HTD2: variants seen among roughly 807,000 people sequenced by gnomAD.
The protein encoded by HTD2 is hydroxyacyl-thioester dehydratase type 2, mitochondrial.
In HTD2, 1 loss-of-function variant was observed where a neutral mutation model predicts 3.1. The ratio of observed to expected loss-of-function variants is 0.32; its 90% CI spans 0.11 to 1.52. HTD2 has a LOEUF of 1.52. Ranked by LOEUF, HTD2 falls within the 40% of genes most tolerant of loss-of-function variation. The pLI, the probability that HTD2 is intolerant of heterozygous loss-of-function variation, is 0.39. For synonymous variants in HTD2, 50 were observed against 28.9 expected (o/e 1.73, Z -2.34); for missense variants, 150 against 79.6 (o/e 1.88, Z -3.36).
intron 4 of HTD2, 62 bp from the exon 5 acceptor site, chr3:58,317,378 C>A: frequency 1.8e-6 from 2 of 1,088,608 alleles, no homozygotes; most frequent in Non-Finnish European, 2.8e-6. Flanking sequence ...GCATGTTTCC[C>A]CATTGCCCTG....
rs59232688 is a variant in HTD2 at position 58,310,482 on chromosome 3, CT to C, written c.-415-13del. 507,213 of 1,266,192 alleles carry C rather than the reference CT, an allele frequency of 0.4. 60,922 individuals carry two copies. Among genetic ancestry groups the C allele is most frequent in the East Asian group, 0.7 (26,383 of 37,694 alleles). 78.4% of individuals were successfully genotyped at this position (1,266,192 alleles called of 1,614,324 possible). On this transcript the variant is annotated intron_variant, in intron 1 of 4. Transcript: ENST00000461393. ...CTGAATAGAATGAAATTTAATATGA[CT>C]TTTTTTTTTTTCACTTTTTTTAGAG...
intron 2 of HTD2, among the ~76,000 whole-genome samples, chr3:58,310,975 A>T (rs2097481579): frequency 6.6e-6 from 1 of 151,910 alleles, no homozygotes; most frequent in South Asian, 2.1e-4. Flanking sequence ...CAAAAAAAAA[A>T]AAAAAATAAA....
rs145593803 is a variant in HTD2 at position 58,312,780 on chromosome 3, G to A, written c.-331+2189G>A. On this transcript the variant is annotated intron_variant, in intron 2 of 4. Transcript: ENST00000461393. ...GTTTGAGACTAGCCTGGCCAACGTG[G>A]TGAAACGCTTTCTCTACTGAAAATA... Among the ~76,000 whole-genome samples the A allele has an allele frequency of 2.0e-4, 31 of 152,130 alleles. No individual in the cohort carries two copies. The East Asian group carries it at 5.8e-3, about 28-fold the overall frequency.
rs1161473704 is a variant in HTD2, at chr3:58,319,266, T to A, written c.*1146T>A. ...CATCTTAGTCTACCTTCAGTGAGAC[T>A]TGCGTTTCAGGGGAGGGGCGTATGT... On this transcript the variant is annotated 3_prime_UTR_variant, in exon 5 of 5. Coordinates refer to ENST00000461393, the MANE Select transcript of HTD2 (RefSeq NM_001348712.2). 6.6e-6 allele frequency: 1 copy of A among 152,228 alleles called. No homozygotes were observed. Among genetic ancestry groups the A allele is most frequent in the Non-Finnish European group, 1.5e-5 (1 of 68,044 alleles). The allele number at this position is 152,228 out of a possible 1,614,324, so 9.4% of individuals were successfully genotyped here.
chr3:58,308,787 TAGAC>T (rs918403457), intron 1 of HTD2, among the ~76,000 whole-genome samples: 60 of 151,942 alleles, frequency 3.9e-4, no homozygotes, highest in African/African-American at 1.3e-3. Context: ...ATTAAACAAA[TAGAC>T]AGTGTTAAGA....
At chr3:58,310,446 C>T (rs1291095003) in intron 1 of HTD2, 61 bp from the exon 2 acceptor site, 1 of 1,605,348 alleles carries the variant, frequency 6.2e-7, no homozygotes, top group East Asian at 2.2e-5. Context: ...GATTACTTTT[C>T]TAACATGAAT....
intron 1 of HTD2, among the ~76,000 whole-genome samples, chr3:58,307,044 C>T (rs2097475987): frequency 6.6e-6 from 1 of 152,132 alleles, no homozygotes; most frequent in Non-Finnish European, 1.5e-5. Context: ...CCGGTGGCTG[C>T]CTGGAGGAAG....
intron 2 of HTD2, among the ~76,000 whole-genome samples, chr3:58,312,928 T>C: frequency 7.2e-6 from 1 of 139,274 alleles, no homozygotes; most frequent in East Asian, 2.1e-4. Context: ...GCCACTGCAT[T>C]CCAGCCTGGG....
At chr3:58,314,784 A>G (rs1212636741) in intron 2 of HTD2, among the ~76,000 whole-genome samples, 1 of 143,900 alleles carries the variant, frequency 6.9e-6, no homozygotes, top group Non-Finnish European at 1.5e-5. Flanking sequence ...TCCCAGGTTC[A>G]GGCGATTCTC....
Position 58,319,034 on chromosome 3 carries a change from G to A in HTD2, c.*914G>A, listed in dbSNP as rs546572581. On this transcript the variant is annotated 3_prime_UTR_variant, in exon 5 of 5. Coordinates refer to ENST00000461393, the MANE Select transcript of HTD2 (RefSeq NM_001348712.2). ...TTCTACTTTTAGAAATTCAGACCTAGATAGATTTGCATTTGGATAACAAAT... is the reference window on the plus strand; with the variant it reads ...TTCTACTTTTAGAAATTCAGACCTAAATAGATTTGCATTTGGATAACAAAT... 6.6e-6 allele frequency: 1 copy of A among 151,970 alleles called. No homozygotes were observed. Among genetic ancestry groups the A allele is most frequent in the South Asian group, 2.1e-4 (1 of 4,818 alleles). The allele number at this position is 151,970 out of a possible 1,614,324, so 9.4% of individuals were successfully genotyped here. A position where few individuals can be genotyped will look rare whatever the true frequency, so the allele number is the denominator to read the frequency against.
intron 1 of HTD2, among the ~76,000 whole-genome samples, chr3:58,309,652 GA>G: frequency 1.3e-5 from 2 of 152,356 alleles, no homozygotes; most frequent in African/African-American, 4.8e-5. Flanking sequence ...GGCACTCTGG[GA>G]GGCCGAGGCA....
In HTD2 at chr3:58,310,484, T is replaced by C. The variant is rs765267254; in HGVS notation, c.-415-23T>C. ...GAATAGAATGAAATTTAATATGACT[T>C]TTTTTTTTTTCACTTTTTTTAGAGA... On this transcript the variant is annotated intron_variant, in intron 1 of 4. Transcript: ENST00000461393. 343 of 1,213,440 alleles carry C rather than the reference T, an allele frequency of 2.8e-4. 2 individuals are homozygous for C. Among genetic ancestry groups the C allele is most frequent in the African/African-American group, 1.0e-3 (49 of 47,508 alleles). The allele number at this position is 1,213,440 out of a possible 1,614,324, so 75.2% of individuals were successfully genotyped here.
intron 2 of HTD2, among the ~76,000 whole-genome samples, chr3:58,311,794 A>T (rs2107502917): frequency 6.6e-6 from 1 of 151,410 alleles, no homozygotes; most frequent in South Asian, 2.1e-4. Context: ...TGTCTTTTTG[A>T]ATTGATTTCC....
chr3:58,306,980 G>A (rs968398011), intron 1 of HTD2, among the ~76,000 whole-genome samples: 5 of 152,234 alleles, frequency 3.3e-5, no homozygotes, highest in African/African-American at 1.2e-4. Flanking sequence ...GAAGGGCACT[G>A]GGCCAACCCG....
Position 58,316,562 on chromosome 3 carries a change from C to T in HTD2, c.-283C>T, listed in dbSNP as rs745726768. On this transcript the variant is annotated 5_prime_UTR_variant, in exon 3 of 5. Transcript: ENST00000461393. ...ACATCCTAACCTATGAAGAGAAGACCTTGTCAGCCATCTTGAGAATATGTA... is the reference window on the plus strand; with the variant it reads ...ACATCCTAACCTATGAAGAGAAGACTTTGTCAGCCATCTTGAGAATATGTA... 6.2e-7 allele frequency: 1 copy of T among 1,614,058 alleles called. No homozygotes were observed. The highest frequency in any genetic ancestry group is 1.3e-5 in the African/African-American group (1 of 75,044).
At position 58,319,226 on chromosome 3, in the gene HTD2, T is replaced by C. The variant is rs557148617; in HGVS notation, c.*1106T>C. Reference sequence around the variant, plus strand: ...AGTCAGAGTTTATTGTAATTTGTTATTTACACCAAGGTGGCATCTTAGTCT... The same window carrying C: ...AGTCAGAGTTTATTGTAATTTGTTACTTACACCAAGGTGGCATCTTAGTCT... On this transcript the variant is annotated 3_prime_UTR_variant, in exon 5 of 5. Coordinates refer to ENST00000461393, the MANE Select transcript of HTD2 (RefSeq NM_001348712.2). The C allele has an allele frequency of 6.6e-6, 1 of 152,340 alleles. No homozygotes were observed. Among genetic ancestry groups the C allele is most frequent in the South Asian group, 2.1e-4 (1 of 4,830 alleles). 9.4% of individuals were successfully genotyped at this position (152,340 alleles called of 1,614,324 possible). A position where few individuals can be genotyped will look rare whatever the true frequency, so the allele number is the denominator to read the frequency against.
rs1305501638 is a variant in HTD2, at chr3:58,319,237, G to A, written c.*1117G>A. The A allele has an allele frequency of 2.6e-5, 4 of 152,180 alleles. No homozygotes were observed. The highest frequency in any genetic ancestry group is 9.7e-5 in the African/African-American group (4 of 41,442). 9.4% of individuals were successfully genotyped at this position (152,180 alleles called of 1,614,324 possible). A position where few individuals can be genotyped will look rare whatever the true frequency, so the allele number is the denominator to read the frequency against. ...ATTGTAATTTGTTATTTACACCAAG[G>A]TGGCATCTTAGTCTACCTTCAGTGA... On this transcript the variant is annotated 3_prime_UTR_variant, in exon 5 of 5. Transcript: ENST00000461393.
chr3:58,309,748 C>G (rs930199249), intron 1 of HTD2, among the ~76,000 whole-genome samples: 1 of 151,900 alleles, frequency 6.6e-6, no homozygotes, highest in Non-Finnish European at 1.5e-5. Flanking sequence ...AAAAGGTAGC[C>G]GGGCGTGGTA....
chr3:58,319,876 T>C lies in HTD2; in HGVS notation c.*1756T>C, dbSNP rs758770526. On this transcript the variant is annotated 3_prime_UTR_variant, in exon 5 of 5. Coordinates refer to ENST00000461393, the MANE Select transcript of HTD2 (RefSeq NM_001348712.2). ...ATTCACCTTTTAAAAGTGTACAGTT[T>C]AGTGGTTTTCAGAATATCCACAAAG... 4 of 152,212 alleles carry C rather than the reference T, an allele frequency of 2.6e-5. No individual in the cohort carries two copies. Among genetic ancestry groups the C allele is most frequent in the African/African-American group, 7.2e-5 (3 of 41,452 alleles). 9.4% of individuals were successfully genotyped at this position (152,212 alleles called of 1,614,324 possible).
Sources: allele counts gnomAD v4.1 joint callset (sites outside exome capture counted in the v4.1 genomes callset), GRCh38; gene constraint gnomAD v4.1.1; transcripts MANE v1.5; gene names NCBI Gene and HGNC (gene_info 2026-07-23, HGNC 2026-07-21).